The following ITSN2 variants were observed in gnomAD, a reference collection of about 807,000 sequenced individuals.
ITSN2 encodes intersectin-2.
Under a neutral mutation model 243.7 loss-of-function variants are expected in ITSN2, and 156 were observed. That is an observed-to-expected ratio of 0.64 (90% CI 0.56 to 0.73). The LOEUF (loss-of-function observed/expected upper bound fraction) is 0.73, where lower values mean the gene tolerates loss of function less well. ITSN2 is among the 30% of genes least tolerant of loss of function. The pLI, the probability that ITSN2 is intolerant of heterozygous loss-of-function variation, is 0.00. For missense variants in ITSN2, 1,801 were observed against 1,996.1 expected, an observed-to-expected ratio of 0.90 and a Z score of 1.86; for synonymous variants, 703 against 699.9, an observed-to-expected ratio of 1.00 and a Z score of -0.07.
intron 2 of ITSN2, among the ~76,000 whole-genome samples, chr2:24,326,396 C>T (rs1685159968): frequency 6.6e-6 from 1 of 152,122 alleles, no homozygotes; most frequent in African/African-American, 2.4e-5. Flanking sequence ...AGGACCGGGA[C>T]TGTACTGCTT....
chr2:24,212,603 G>T, intron 33 of ITSN2, 47 bp downstream of exon 33: 1 of 1,458,342 alleles, frequency 6.9e-7, no homozygotes, highest in South Asian at 1.3e-5. Context: ...GGACCTCAGC[G>T]CATCCTGCTC....
rs1462921126 is a variant in ITSN2 at position 24,203,628 on chromosome 2, A to G, written c.5092T>C (p.Ter1698GlnextTer3). 1.2e-6 allele frequency: 2 copies of G among 1,613,722 alleles called. No individual in the cohort carries two copies. Among genetic ancestry groups the G allele is most frequent in the South Asian group, 1.1e-5 (1 of 91,034 alleles). ...GCTGGTGCTGTCCTTTAGAACCCCT[A>G]CAGGAGAGTTTTTTGCTCAAAAAGC... ...LQLFEQKTLL[*>Q] Residue 1698 changes from the stop codon to glutamine (Q), a stop_lost, in exon 40 of 40, where the codon TAG (stop) becomes CAG (glutamine). Coordinates refer to ENST00000355123, the MANE Select transcript of ITSN2 (RefSeq NM_006277.3).
At chr2:24,359,761 G>A (rs191398522) in intron 1 of ITSN2, among the ~76,000 whole-genome samples, 36 of 152,258 alleles carry the variant, frequency 2.4e-4, no homozygotes, top group African/African-American at 8.2e-4. Flanking sequence ...CCGGAGGAAC[G>A]CGAGCGGTAG....
At chr2:24,357,660 A>T (rs529430904) in intron 1 of ITSN2, among the ~76,000 whole-genome samples, 225 of 152,230 alleles carry the variant, frequency 1.5e-3, no homozygotes, top group Admixed American at 2.6e-3. Flanking sequence ...TTTTTCACAA[A>T]TTTTTTCCAT....
Position 24,341,045 on chromosome 2 carries a change from G to A in ITSN2, c.-33-12930C>T, listed in dbSNP as rs538756119. On this transcript the variant is annotated intron_variant, in intron 1 of 39. Transcript: ENST00000355123. ...AGCAATGGAGAAGAGGTATTTCAAAGGTAGAATAGACAGGATTTTCTGGTC... is the reference window on the plus strand; with the variant it reads ...AGCAATGGAGAAGAGGTATTTCAAAAGTAGAATAGACAGGATTTTCTGGTC... Among the ~76,000 whole-genome samples the A allele has an allele frequency of 2.0e-5, 3 of 152,278 alleles. No homozygotes were observed. In the South Asian group the frequency reaches 6.2e-4, roughly 32 times the overall value.
intron 2 of ITSN2, among the ~76,000 whole-genome samples, chr2:24,323,530 G>A (rs757025867): frequency 2.0e-5 from 3 of 152,198 alleles, no homozygotes; most frequent in Non-Finnish European, 4.4e-5. Context: ...AGGCAGAACT[G>A]TAAGGACAGA....
chr2:24,327,911 T>C, intron 2 of ITSN2, 141 bp downstream of exon 2: 1 of 667,852 alleles, frequency 1.5e-6, no homozygotes, highest in Non-Finnish European at 2.6e-6. Flanking sequence ...ACATATGCAG[T>C]GTTCCAAAAT....
intron 14 of ITSN2, among the ~76,000 whole-genome samples, chr2:24,295,045 T>C (rs539913412): frequency 9.2e-5 from 14 of 152,320 alleles, no homozygotes; most frequent in Admixed American, 3.3e-4. Context: ...CTGTTGTTTA[T>C]AAATTACCCA....
chr2:24,282,386 G>C (rs1023904562), intron 17 of ITSN2, among the ~76,000 whole-genome samples: 1 of 152,140 alleles, frequency 6.6e-6, no homozygotes, highest in Non-Finnish European at 1.5e-5. Context: ...CTCCCTTCTG[G>C]CTCCCCCATC....
intron 24 of ITSN2, among the ~76,000 whole-genome samples, chr2:24,253,336 CAAGG>C (rs377735522): frequency 0.98 from 148,905 of 152,258 alleles, 72,810 homozygotes; most frequent in East Asian, 0.99. Flanking sequence ...AAAGTGATTA[CAAGG>C]TTTAGGTACG....
chr2:24,214,154 G>T (rs572913167), intron 32 of ITSN2, among the ~76,000 whole-genome samples: 1 of 152,218 alleles, frequency 6.6e-6, no homozygotes, highest in East Asian at 1.9e-4. Flanking sequence ...ATCCTATTTG[G>T]TTATGATAGG....
chr2:24,221,132 C>T, intron 29 of ITSN2, 66 bp from the exon 30 acceptor site: 1 of 1,512,452 alleles, frequency 6.6e-7, no homozygotes, highest in Non-Finnish European at 9.0e-7. Context: ...AGACATTTGT[C>T]AGCAGATGTG....
intron 15 of ITSN2, among the ~76,000 whole-genome samples, chr2:24,288,552 C>T (rs907155076): frequency 1.5e-4 from 23 of 151,948 alleles, no homozygotes; most frequent in Non-Finnish European, 1.6e-4. Flanking sequence ...TTGTAATCAA[C>T]AAATAAAAAC....
At position 24,209,943 on chromosome 2, in the gene ITSN2, G is replaced by A. The variant is rs1292781942; in HGVS notation, c.4348C>T (p.Leu1450=). 1.2e-6 allele frequency: 2 copies of A among 1,614,182 alleles called. No homozygotes were observed. Among genetic ancestry groups the A allele is most frequent in the South Asian group, 1.1e-5 (1 of 91,086 alleles). ...KLYKTKSNKE[L]HGFLFNDFLL... ...AAGTCATTGAAGAGGAATCCGTGCA[G>A]TTCCTTGTTGCTCTTGGTCTTGTAT... Residue 1450 remains leucine, a synonymous_variant, in exon 35 of 40, where the codon CTG becomes TTG. Transcript: ENST00000355123.
intron 1 of ITSN2, among the ~76,000 whole-genome samples, chr2:24,343,198 A>G (rs758901625): frequency 9.2e-5 from 14 of 152,166 alleles, no homozygotes; most frequent in Non-Finnish European, 1.6e-4. Context: ...GTCAATTAGC[A>G]TAAGATCCTT....
chr2:24,359,528 C>T (rs539598809), intron 1 of ITSN2, among the ~76,000 whole-genome samples: 1 of 152,128 alleles, frequency 6.6e-6, no homozygotes, highest in Non-Finnish European at 1.5e-5. Context: ...AGCGACAAGG[C>T]GCATAATTAA....
chr2:24,204,817 A>G lies in ITSN2; in HGVS notation c.4762+397T>C, dbSNP rs1346750054. The G allele has an allele frequency of 4.5e-6, 2 of 448,656 alleles. No individual in the cohort carries two copies. Among genetic ancestry groups the G allele is most frequent in the Non-Finnish European group, 9.0e-6 (2 of 223,348 alleles). The allele number at this position is 448,656 out of a possible 1,614,324, so 27.8% of individuals were successfully genotyped here. ...GGCACTGGACACACTGTTAGAAAGCATTCCTTTATTCAGTGTTCAGAAGAG... is the reference window on the plus strand; with the variant it reads ...GGCACTGGACACACTGTTAGAAAGCGTTCCTTTATTCAGTGTTCAGAAGAG... On this transcript the variant is annotated intron_variant, in intron 38 of 39. Transcript: ENST00000355123. The surrounding 1 kb of genome is among the most constrained non-coding windows in gnomAD (Gnocchi z 5.1).
chr2:24,306,320 G>C (rs923056407), intron 8 of ITSN2, among the ~76,000 whole-genome samples: 1 of 152,116 alleles, frequency 6.6e-6, no homozygotes, highest in Non-Finnish European at 1.5e-5. Flanking sequence ...ATACACACCT[G>C]TATCAAGATG....
Position 24,203,698 on chromosome 2 carries a change from C to T in ITSN2, c.5022G>A (p.Leu1674=). ...SKGPMTRRLL[L]HEVPTGEVWV... ...AGACCTCCCCGGTGGGGACCTCATG[C>T]AGCAGCAGTCGGCGGGTCATAGGGC... The change falls in exon 40 of 40, where the codon CTG becomes CTA. Residue 1674 remains leucine (L), a synonymous_variant. Transcript: ENST00000355123. The T allele has an allele frequency of 6.2e-7, 1 of 1,614,180 alleles. No homozygotes were observed. The highest frequency in any genetic ancestry group is 8.5e-7 in the Non-Finnish European group (1 of 1,180,012).
Sources: allele counts gnomAD v4.1 joint callset (sites outside exome capture counted in the v4.1 genomes callset), GRCh38; gene constraint gnomAD v4.1.1; non-coding constraint Gnocchi (gnomAD v3.1); transcripts MANE v1.5; gene names NCBI Gene and HGNC (gene_info 2026-07-23, HGNC 2026-07-21).